Variants in ARPC1A observed in about 807,000 individuals in gnomAD.
ARPC1A encodes actin related protein 2/3 complex subunit 1A.
A neutral mutation model predicts 46.9 loss-of-function variants in ARPC1A; 8 were observed. The ratio of observed to expected loss-of-function variants is 0.17; its 90% CI spans 0.10 to 0.31. The LOEUF is 0.31. Among genes scored for constraint, ARPC1A ranks in the 10% least tolerant of loss-of-function variants. The probability of loss-of-function intolerance (pLI) is 1.00; values close to 1 mark genes in which losing one functional copy is unlikely to be tolerated. For missense variants in ARPC1A, 286 were observed against 483.6 expected, an observed-to-expected ratio of 0.59 and a Z score of 3.83; for synonymous variants, 152 against 169.0, an observed-to-expected ratio of 0.90 and a Z score of 0.78.
intron 3 of ARPC1A, among the ~76,000 whole-genome samples, chr7:99,342,330 A>G (rs1793368353): frequency 6.6e-6 from 1 of 152,166 alleles, no homozygotes; most frequent in Non-Finnish European, 1.5e-5. Flanking sequence ...AGGCAGGCAG[A>G]TCACTTGAGC....
chr7:99,326,331 TC>T (rs1435574650), intron 1 of ARPC1A, among the ~76,000 whole-genome samples: 1 of 152,196 alleles, frequency 6.6e-6, no homozygotes, highest in Non-Finnish European at 1.5e-5. Context: ...TAGGAGGATC[TC>T]CCGTAATCGA....
intron 4 of ARPC1A, 63 bp from the exon 5 acceptor site, chr7:99,348,789 T>A: frequency 1.5e-6 from 2 of 1,302,034 alleles, no homozygotes; most frequent in Non-Finnish European, 2.2e-6. Flanking sequence ...CTGACATACA[T>A]TTGTAGGTCA....
rs1258645507 is a variant in ARPC1A, at chr7:99,366,089, GTTT to G, written c.*165_*167del. On this transcript the variant is annotated 3_prime_UTR_variant, in exon 10 of 10. Transcript: ENST00000262942. Reference sequence around the variant, plus strand: ...GAATATAAAATTGGTGAAAGTGTTGGTTTTTTTAAGGCAGTAATTTTTTTGTTT... The same window carrying G: ...GAATATAAAATTGGTGAAAGTGTTGGTTTTAAGGCAGTAATTTTTTTGTTT... The G allele has an allele frequency of 1.2e-6, 1 of 860,716 alleles. No homozygotes were observed. The highest frequency in any genetic ancestry group is 1.7e-6 in the Non-Finnish European group (1 of 578,668). The allele number at this position is 860,716 out of a possible 1,614,324, so 53.3% of individuals were successfully genotyped here. A position where few individuals can be genotyped will look rare whatever the true frequency, so the allele number is the denominator to read the frequency against.
chr7:99,364,224 G>T (rs948255212), intron 9 of ARPC1A, among the ~76,000 whole-genome samples: 2 of 151,696 alleles, frequency 1.3e-5, no homozygotes, highest in Non-Finnish European at 2.9e-5. Flanking sequence ...CAAAGTGGTG[G>T]GATTACAGGC....
intron 5 of ARPC1A, among the ~76,000 whole-genome samples, chr7:99,353,088 ATTATT>A (rs1195813461): frequency 2.7e-5 from 4 of 149,426 alleles, no homozygotes; most frequent in African/African-American, 5.0e-5. Flanking sequence ...ATCATGATTT[ATTATT>A]TTAGTTTAGT....
At chr7:99,359,474 G>A in intron 7 of ARPC1A, 71 bp from the exon 8 acceptor site, 1 of 1,492,764 alleles carries the variant, frequency 6.7e-7, no homozygotes, top group Non-Finnish European at 9.3e-7. Context: ...GGCCTGTCGT[G>A]GTGAACACTC....
intron 2 of ARPC1A, among the ~76,000 whole-genome samples, chr7:99,334,004 T>TAC (rs547756931): frequency 0.063 from 8,922 of 141,258 alleles, 330 homozygotes; most frequent in Middle Eastern, 0.13. Context: ...TGTGTGTGTG[T>TAC]ACACACACAC....
At position 99,353,091 on chromosome 7, in the gene ARPC1A, A is replaced by AG. The variant is rs1793570945; in HGVS notation, c.501-818_501-817insG. ...CTGGACTTACCTATCATGATTTATT[A>AG]TTTTAGTTTAGTTTAGTTTAGTTTA... On this transcript the variant is annotated intron_variant, in intron 5 of 9. Coordinates refer to ENST00000262942, the MANE Select transcript of ARPC1A (RefSeq NM_006409.4). Among the ~76,000 whole-genome samples the AG allele has an allele frequency of 2.0e-5, 3 of 146,840 alleles. No individual in the cohort carries two copies. In the Admixed American group the frequency reaches 2.0e-4, roughly 10 times the overall value.
At chr7:99,347,316 C>T (rs1793470547) in intron 4 of ARPC1A, among the ~76,000 whole-genome samples, 1 of 152,242 alleles carries the variant, frequency 6.6e-6, no homozygotes, top group East Asian at 1.9e-4. Flanking sequence ...AGCAATCCTT[C>T]TGCTTTGGTC....
At position 99,349,666 on chromosome 7, in the gene ARPC1A, G is replaced by A. The variant is rs566270761; in HGVS notation, c.500+707G>A. ...ATCCTGGCTAACACAGTGAAACCCCGTCTCTACTAAAAAAATACAAAAAAT... is the reference window on the plus strand; with the variant it reads ...ATCCTGGCTAACACAGTGAAACCCCATCTCTACTAAAAAAATACAAAAAAT... On this transcript the variant is annotated intron_variant, in intron 5 of 9. Coordinates refer to ENST00000262942, the MANE Select transcript of ARPC1A (RefSeq NM_006409.4). Among the ~76,000 whole-genome samples the A allele has an allele frequency of 1.2e-4, 18 of 152,054 alleles. No individual in the cohort carries two copies. The East Asian group carries it at 2.0e-3, about 16-fold the overall frequency.
chr7:99,364,055 A>G (rs1793785665), intron 9 of ARPC1A, among the ~76,000 whole-genome samples: 1 of 151,958 alleles, frequency 6.6e-6, no homozygotes. Flanking sequence ...CCCGGGTTGG[A>G]GCGATTCTCC....
At chr7:99,327,132 A>G (rs1421141241) in intron 1 of ARPC1A, among the ~76,000 whole-genome samples, 2 of 151,736 alleles carry the variant, frequency 1.3e-5, no homozygotes, top group Admixed American at 6.6e-5. Flanking sequence ...GAGGAGGGGC[A>G]TCAGTCAGGA....
At chr7:99,346,695 A>G (rs1793457051) in intron 4 of ARPC1A, among the ~76,000 whole-genome samples, 1 of 152,188 alleles carries the variant, frequency 6.6e-6, no homozygotes. Context: ...ATTACATTAT[A>G]AAGGCCAGGC....
chr7:99,339,918 G>A (rs1303474280), intron 3 of ARPC1A: 3 of 451,718 alleles, frequency 6.6e-6, no homozygotes, highest in Admixed American at 2.4e-5. Flanking sequence ...ATTCCCACCT[G>A]TCCTGTATGA....
chr7:99,332,389 A>G (rs1015253888), intron 1 of ARPC1A, among the ~76,000 whole-genome samples: 6 of 152,182 alleles, frequency 3.9e-5, no homozygotes, highest in Admixed American at 1.3e-4. Flanking sequence ...TATTTATAAC[A>G]TGGTGATTAC....
At chr7:99,361,375 G>A (rs907053888) in intron 8 of ARPC1A, among the ~76,000 whole-genome samples, 2 of 151,118 alleles carry the variant, frequency 1.3e-5, no homozygotes, top group Non-Finnish European at 1.5e-5. Flanking sequence ...GTGTTGGCAC[G>A]CACCTGTAGT....
intron 2 of ARPC1A, among the ~76,000 whole-genome samples, chr7:99,334,490 A>G (rs916649345): frequency 2.6e-5 from 4 of 152,174 alleles, no homozygotes; most frequent in African/African-American, 9.7e-5. Flanking sequence ...TATCAAAGAA[A>G]CCATTGCATA....
chr7:99,352,395 A>G (rs767126587), intron 5 of ARPC1A, among the ~76,000 whole-genome samples: 1 of 152,136 alleles, frequency 6.6e-6, no homozygotes, highest in Non-Finnish European at 1.5e-5. Context: ...AGTGGCACAC[A>G]TCTGTAATCC....
chr7:99,331,374 T>C (rs921038277), intron 1 of ARPC1A, among the ~76,000 whole-genome samples: 5 of 151,680 alleles, frequency 3.3e-5, no homozygotes, highest in Admixed American at 6.6e-5. Context: ...CAAACCTGGG[T>C]GAGAGAGCAA....
Sources: allele counts gnomAD v4.1 joint callset (sites outside exome capture counted in the v4.1 genomes callset), GRCh38; gene constraint gnomAD v4.1.1; transcripts MANE v1.5; gene names NCBI Gene and HGNC (gene_info 2026-07-23, HGNC 2026-07-21).